The following TDRD12 variants were observed in gnomAD, a reference collection of about 807,000 sequenced individuals.
TDRD12 encodes putative ATP-dependent RNA helicase TDRD12.
In TDRD12, 158 loss-of-function variants were observed where a neutral mutation model predicts 133.5. That is an observed-to-expected ratio of 1.18 (90% CI 1.04 to 1.35). The LOEUF is 1.35. Among genes scored for constraint, TDRD12 ranks in the 40% most tolerant of loss-of-function variants. The probability of loss-of-function intolerance (pLI) is 0.00; values close to 1 mark genes in which losing one functional copy is unlikely to be tolerated. For missense variants in TDRD12, 1,443 were observed against 1,321.3 expected (o/e 1.09, Z -1.43); for synonymous variants, 460 against 477.9 (o/e 0.96, Z 0.49).
At chr19:32,798,181 A>G in intron 15 of TDRD12, 127 bp from the exon 16 acceptor site, 7 of 872,194 alleles carry the variant, frequency 8.0e-6, no homozygotes, top group Non-Finnish European at 1.2e-5. Context: ...TATGGGGTTG[A>G]CTAGGACAGA....
chr19:32,798,880 T>C (rs960663674), intron 16 of TDRD12, among the ~76,000 whole-genome samples: 4 of 152,228 alleles, frequency 2.6e-5, no homozygotes, highest in African/African-American at 7.2e-5. Context: ...GGCCATTTTG[T>C]AGCCTGCATT....
At chr19:32,811,118 C>A in intron 23 of TDRD12, 92 bp from the exon 24 acceptor site, 1 of 1,041,840 alleles carries the variant, frequency 9.6e-7, no homozygotes, top group Non-Finnish European at 1.4e-6. Context: ...GTTTTGGAGT[C>A]TTTTTATATG....
chr19:32,749,163 G>A (rs554171276), intron 5 of TDRD12, among the ~76,000 whole-genome samples: 1 of 152,214 alleles, frequency 6.6e-6, no homozygotes, highest in South Asian at 2.1e-4. Flanking sequence ...CAGACCCTTT[G>A]ACCTGGGAGC....
At chr19:32,761,429 C>G (rs534934429) in intron 8 of TDRD12, among the ~76,000 whole-genome samples, 3 of 152,128 alleles carry the variant, frequency 2.0e-5, no homozygotes, top group Non-Finnish European at 4.4e-5. Context: ...TGCGCCTGGC[C>G]GAGAACACAT....
intron 27 of TDRD12, among the ~76,000 whole-genome samples, chr19:32,819,713 C>G (rs978156619): frequency 6.6e-6 from 1 of 152,186 alleles, no homozygotes; most frequent in Non-Finnish European, 1.5e-5. Context: ...TCCTGGAGAA[C>G]AGGGGATCCT....
At chr19:32,759,567 C>A (rs1364082700) in intron 8 of TDRD12, among the ~76,000 whole-genome samples, 1 of 152,010 alleles carries the variant, frequency 6.6e-6, no homozygotes, top group African/African-American at 2.4e-5. Context: ...TTCAGTGAAC[C>A]AAGATTGTGC....
At chr19:32,720,845 G>A (rs900642403) in intron 1 of TDRD12, among the ~76,000 whole-genome samples, 1 of 135,418 alleles carries the variant, frequency 7.4e-6, no homozygotes, top group African/African-American at 2.8e-5. Flanking sequence ...CCCACCAGGG[G>A]GCACCCCGGG....
At chr19:32,802,742 T>G in exon 20 of TDRD12, 1 of 1,536,628 alleles carries the variant, frequency 6.5e-7, no homozygotes, top group Non-Finnish European at 8.7e-7. Context: ...ACCAAAAGTT[T>G]TTGGTGGACG....
chr19:32,725,988 T>A (rs1335127417), intron 1 of TDRD12, among the ~76,000 whole-genome samples: 1 of 152,156 alleles, frequency 6.6e-6, no homozygotes, highest in Admixed American at 6.6e-5. Context: ...AGTTCTGGCA[T>A]ATATTATATA....
intron 6 of TDRD12, among the ~76,000 whole-genome samples, chr19:32,755,415 C>G (rs192996871): frequency 6.6e-6 from 1 of 152,198 alleles, no homozygotes. Flanking sequence ...TGCAGTAGCA[C>G]CTCATTGTGG....
chr19:32,768,952 A>AGGCTG (rs1212924811), intron 8 of TDRD12, among the ~76,000 whole-genome samples: 1 of 152,134 alleles, frequency 6.6e-6, no homozygotes, highest in Middle Eastern at 3.2e-3. Flanking sequence ...TATGCTGGCC[A>AGGCTG]GGCTGGTCTC....
chr19:32,725,524 T>C (rs1449991709), intron 1 of TDRD12, among the ~76,000 whole-genome samples: 1 of 152,194 alleles, frequency 6.6e-6, no homozygotes, highest in East Asian at 1.9e-4. Context: ...CAGATGGTTG[T>C]AGATGTGTGG....
chr19:32,805,412 T>C lies in TDRD12; in HGVS notation c.2553-2137T>C, dbSNP rs138308597. Reference sequence around the variant, plus strand: ...AAAAAGAAAAAAGAAAAAAAAAATATGTGTGTAATATGAGATCTGGGGCAA... The same window carrying C: ...AAAAAGAAAAAAGAAAAAAAAAATACGTGTGTAATATGAGATCTGGGGCAA... On this transcript the variant is annotated intron_variant, in intron 21 of 27. Transcript: ENST00000444215. Among the ~76,000 whole-genome samples the C allele has an allele frequency of 6.7e-4, 102 of 151,452 alleles. No individual in the cohort carries two copies. The East Asian group carries it at 0.018, about 27-fold the overall frequency.
At chr19:32,758,172 G>A (rs1470327729) in intron 8 of TDRD12, among the ~76,000 whole-genome samples, 1 of 152,184 alleles carries the variant, frequency 6.6e-6, no homozygotes, top group Admixed American at 6.5e-5. Flanking sequence ...ACAGAAGGGT[G>A]AGGATGGGCA....
chr19:32,769,403 T>C (rs1388884450), intron 8 of TDRD12, among the ~76,000 whole-genome samples: 1 of 152,192 alleles, frequency 6.6e-6, no homozygotes, highest in African/African-American at 2.4e-5. Context: ...GAAGGGTTTC[T>C]GGTCAAAGAA....
intron 8 of TDRD12, among the ~76,000 whole-genome samples, chr19:32,759,066 AC>A (rs1970077438): frequency 6.6e-6 from 1 of 151,742 alleles, no homozygotes; most frequent in African/African-American, 2.4e-5. Flanking sequence ...ACATGGTGAA[AC>A]CCCGTCTCTA....
At chr19:32,794,687 C>T (rs1363205184) in exon 14 of TDRD12, 1 of 702,966 alleles carries the variant, frequency 1.4e-6, no homozygotes, top group African/African-American at 1.7e-5. Context: ...CTTGGCCTCC[C>T]ATAGCGCGTG....
intron 8 of TDRD12, among the ~76,000 whole-genome samples, chr19:32,769,370 A>G: frequency 6.6e-6 from 1 of 152,130 alleles, no homozygotes; most frequent in Non-Finnish European, 1.5e-5. Flanking sequence ...GTGGAGCTGC[A>G]TCTTCAAGGT....
At chr19:32,746,876 G>C (rs929049725) in intron 4 of TDRD12, among the ~76,000 whole-genome samples, 1 of 148,490 alleles carries the variant, frequency 6.7e-6, no homozygotes, top group Non-Finnish European at 1.5e-5. Context: ...TGGTTATTCT[G>C]TGTGTGTGTG....
Sources: gnomAD v4.1 joint callset for allele counts (sites outside exome capture counted in the v4.1 genomes callset) on GRCh38, gnomAD v4.1.1 for gene constraint, MANE v1.5 for transcripts, NCBI Gene and HGNC (gene_info 2026-07-23, HGNC 2026-07-21) for gene names.